The following ZFP91 variants were observed in gnomAD, a reference collection of about 807,000 sequenced individuals.
ZFP91 encodes E3 ubiquitin-protein ligase ZFP91.
In ZFP91, 7 loss-of-function variants were observed where a neutral mutation model predicts 63.5. That is an observed-to-expected ratio of 0.11 (90% confidence interval 0.06 to 0.21). ZFP91 has a LOEUF of 0.21. ZFP91 is among the 10% of genes least tolerant of loss of function. The probability of loss-of-function intolerance (pLI) is 1.00; values close to 1 mark genes in which losing one functional copy is unlikely to be tolerated. For missense variants in ZFP91, 628 were observed against 736.6 expected (o/e 0.85, Z 1.71); for synonymous variants, 330 against 272.1 (o/e 1.21, Z -2.10).
chr11:58,613,746 T>C (rs1004910080), intron 8 of ZFP91, among the ~76,000 whole-genome samples: 16 of 152,148 alleles, frequency 1.1e-4, no homozygotes, highest in African/African-American at 3.4e-4. Context: ...GTACCACTTA[T>C]ATTTAGGTCT....
At chr11:58,602,979 C>CA (rs550058334) in intron 2 of ZFP91, among the ~76,000 whole-genome samples, 28 of 148,300 alleles carry the variant, frequency 1.9e-4, no homozygotes, top group East Asian at 9.8e-4. Context: ...AACTCTGTCT[C>CA]AAAAAAAAAG....
intron 2 of ZFP91, among the ~76,000 whole-genome samples, chr11:58,602,085 G>A (rs1253049766): frequency 6.6e-6 from 1 of 152,044 alleles, no homozygotes; most frequent in East Asian, 1.9e-4. Context: ...ACCATGCCCG[G>A]CTAATTTTTG....
chr11:58,580,535 TTA>T (rs1179270246), intron 1 of ZFP91, among the ~76,000 whole-genome samples: 2 of 152,182 alleles, frequency 1.3e-5, no homozygotes, highest in African/African-American at 4.8e-5. Flanking sequence ...TGAAAACAGA[TTA>T]GTAAAAACAG....
At chr11:58,594,736 A>G (rs938225124) in intron 2 of ZFP91, among the ~76,000 whole-genome samples, 3 of 152,362 alleles carry the variant, frequency 2.0e-5, no homozygotes, top group African/African-American at 7.2e-5. Context: ...AGGCATTAAT[A>G]CACAGTGTTG....
intron 2 of ZFP91, among the ~76,000 whole-genome samples, chr11:58,592,438 C>A (rs1264704229): frequency 6.6e-6 from 1 of 152,078 alleles, no homozygotes; most frequent in Non-Finnish European, 1.5e-5. Flanking sequence ...GAGCAACCAG[C>A]TAATTTCATT....
intron 2 of ZFP91, among the ~76,000 whole-genome samples, chr11:58,602,288 T>G (rs1332755926): frequency 5.3e-5 from 8 of 152,196 alleles, no homozygotes; most frequent in Non-Finnish European, 1.2e-4. Flanking sequence ...TAATTTTGCT[T>G]GAGTTCTGTA....
At chr11:58,598,905 AT>A (rs1855449388) in intron 2 of ZFP91, among the ~76,000 whole-genome samples, 2 of 152,084 alleles carry the variant, frequency 1.3e-5, no homozygotes, top group South Asian at 4.1e-4. Flanking sequence ...AGTTCCAAAC[AT>A]TTTCATCACC....
chr11:58,596,120 C>T (rs1457675765), intron 2 of ZFP91, among the ~76,000 whole-genome samples: 1 of 151,980 alleles, frequency 6.6e-6, no homozygotes, highest in Non-Finnish European at 1.5e-5. Context: ...ATCCTGTATT[C>T]TTACAGTAAA....
intron 2 of ZFP91, among the ~76,000 whole-genome samples, chr11:58,603,486 A>G (rs1205457963): frequency 6.6e-6 from 1 of 152,106 alleles, no homozygotes; most frequent in African/African-American, 2.4e-5. Flanking sequence ...TCTGTGGAGG[A>G]CTCTCATTTG....
chr11:58,580,757 TTAGA>T (rs1164369102), intron 1 of ZFP91, among the ~76,000 whole-genome samples: 1 of 152,200 alleles, frequency 6.6e-6, no homozygotes, highest in Non-Finnish European at 1.5e-5. Context: ...TATTGTGGTA[TTAGA>T]TATGCTTTCA....
intron 2 of ZFP91, among the ~76,000 whole-genome samples, chr11:58,603,829 A>G (rs1476827396): frequency 6.6e-6 from 1 of 152,220 alleles, no homozygotes; most frequent in Non-Finnish European, 1.5e-5. Context: ...CTTCCTTTTG[A>G]TATGGAGATG....
chr11:58,581,138 T>C (rs1855107695), intron 1 of ZFP91, among the ~76,000 whole-genome samples: 2 of 152,180 alleles, frequency 1.3e-5, no homozygotes, highest in South Asian at 4.1e-4. Flanking sequence ...CAAGTTGCGT[T>C]TTTCAGTAAT....
intron 9 of ZFP91, 116 bp from the exon 10 acceptor site, chr11:58,616,600 G>T: frequency 1.4e-6 from 1 of 691,642 alleles, no homozygotes; most frequent in Non-Finnish European, 2.3e-6. Context: ...TTTATACATT[G>T]AAAACAGCAT....
chr11:58,596,190 A>T (rs1464168559), intron 2 of ZFP91, among the ~76,000 whole-genome samples: 1 of 152,228 alleles, frequency 6.6e-6, no homozygotes, highest in Non-Finnish European at 1.5e-5. Flanking sequence ...TATATTTACT[A>T]TTCATTAAGT....
At chr11:58,605,720 A>G (rs1415833009) in intron 2 of ZFP91, among the ~76,000 whole-genome samples, 3 of 152,212 alleles carry the variant, frequency 2.0e-5, no homozygotes, top group Non-Finnish European at 2.9e-5. Context: ...ACCGATTGAT[A>G]ATAATGTGTC....
At chr11:58,611,784 G>A (rs767616341) in intron 6 of ZFP91, 46 bp downstream of exon 6, 9 of 1,558,586 alleles carry the variant, frequency 5.8e-6, no homozygotes, top group East Asian at 2.3e-5. Flanking sequence ...GATTTTGAAC[G>A]ACTAGTGGAA....
intron 2 of ZFP91, among the ~76,000 whole-genome samples, chr11:58,605,824 T>G (rs1016572232): frequency 6.6e-6 from 1 of 152,186 alleles, no homozygotes; most frequent in Admixed American, 6.5e-5. Context: ...AAATATTCTT[T>G]CTGTTCATTT....
intron 2 of ZFP91, among the ~76,000 whole-genome samples, chr11:58,603,648 C>A (rs985347057): frequency 2.0e-4 from 30 of 152,278 alleles, no homozygotes; most frequent in Non-Finnish European, 1.5e-4. Context: ...AATGCTGGGT[C>A]CTGGGTGTAT....
intron 2 of ZFP91, among the ~76,000 whole-genome samples, 189 bp downstream of exon 2, chr11:58,585,073 C>G (rs1378719131): frequency 6.6e-6 from 1 of 152,036 alleles, no homozygotes; most frequent in Non-Finnish European, 1.5e-5. Flanking sequence ...TATTTAGAAA[C>G]CTAATAAAGG....
Sources: allele counts gnomAD v4.1 joint callset (sites outside exome capture counted in the v4.1 genomes callset), GRCh38; gene constraint gnomAD v4.1.1; transcripts MANE v1.5; gene names NCBI Gene and HGNC (gene_info 2026-07-23, HGNC 2026-07-21).